UNC13B: variants seen among roughly 807,000 people sequenced by gnomAD.
The protein encoded by UNC13B is protein unc-13 homolog B.
A neutral mutation model predicts 211.0 loss-of-function variants in UNC13B; 144 were observed. The ratio of observed to expected loss-of-function variants is 0.68; its 90% CI spans 0.60 to 0.78. UNC13B has a LOEUF of 0.78. UNC13B is among the 30% of genes least tolerant of loss of function. UNC13B has a pLI of 0.00. For synonymous variants in UNC13B, 709 were observed against 725.8 expected, an observed-to-expected ratio of 0.98 and a Z score of 0.37; for missense variants, 1,777 against 2,002.0, an observed-to-expected ratio of 0.89 and a Z score of 2.14.
rs879481117 is a variant in UNC13B, at chr9:35,307,394, G to A, written c.7990G>A (p.Glu2664Lys). The A allele has an allele frequency of 7.8e-5, 31 of 398,820 alleles. No homozygotes were observed. The highest frequency in any genetic ancestry group is 3.5e-5 in the Non-Finnish European group (8 of 226,118). 24.7% of individuals were successfully genotyped at this position (398,820 alleles called of 1,614,324 possible). ...QLHPDPTCIA[E>K]ELPPPIQPPL... Reference sequence around the variant, plus strand: ...GCATCCAGATCCTACCTGCATTGCCGAAGAGCTTCCTCCTCCCATTCAGCC... The same window carrying A: ...GCATCCAGATCCTACCTGCATTGCCAAAGAGCTTCCTCCTCCCATTCAGCC... The change falls in exon 9 of 40, where the codon GAA becomes AAA. Residue 2664 changes from glutamate (E) to lysine (K), a missense_variant. Transcript: ENST00000635942.
chr9:35,352,363 A>G (rs1832770088), intron 11 of UNC13B: 1 of 1,232,208 alleles, frequency 8.1e-7, no homozygotes, highest in Non-Finnish European at 1.0e-6. Context: ...TTGCCCATCT[A>G]GAGCATAGAG....
intron 11 of UNC13B, chr9:35,352,291 G>C (rs1052035086): frequency 8.1e-7 from 1 of 1,232,124 alleles, no homozygotes; most frequent in Non-Finnish European, 1.0e-6. Context: ...AGTGCAACAG[G>C]TACATTAAAA....
At chr9:35,232,670 A>G (rs748841831) in intron 3 of UNC13B, among the ~76,000 whole-genome samples, 7 of 152,190 alleles carry the variant, frequency 4.6e-5, no homozygotes, top group Non-Finnish European at 1.0e-4. Context: ...AATATCAGTT[A>G]TGGACAATCT....
rs1351588681 is a variant in UNC13B, at chr9:35,303,602, A to G, written c.4198A>G (p.Ile1400Val). Residue 1400 changes from isoleucine to valine, a missense_variant, in exon 9 of 40, where the codon ATA becomes GTA. Transcript: ENST00000635942. ...CLWLDSENSVINFCQKDQNAN... is the reference protein window; with the variant it reads ...CLWLDSENSVVNFCQKDQNAN... ...GTGGCTTGACTCAGAAAACTCAGTG[A>G]TAAATTTTTGCCAAAAAGATCAAAA... The G allele has an allele frequency of 2.9e-4, 116 of 398,798 alleles. No individual in the cohort carries two copies. Among genetic ancestry groups the G allele is most frequent in the Non-Finnish European group, 1.8e-5 (4 of 225,858 alleles). 24.7% of individuals were successfully genotyped at this position (398,798 alleles called of 1,614,324 possible).
chr9:35,384,462 C>A, intron 22 of UNC13B, 148 bp downstream of exon 22: 1 of 1,409,190 alleles, frequency 7.1e-7, no homozygotes. Flanking sequence ...CTACTGACAC[C>A]TGTGGTTCTT....
At position 35,305,582 on chromosome 9, in the gene UNC13B, T is replaced by A. The variant is rs1829885752; in HGVS notation, c.6178T>A (p.Ser2060Thr). 2.5e-6 allele frequency: 1 copy of A among 398,776 alleles called. No homozygotes were observed. The highest frequency in any genetic ancestry group is 1.3e-4 in the South Asian group (1 of 7,860). The allele number at this position is 398,776 out of a possible 1,614,324, so 24.7% of individuals were successfully genotyped here. A position where few individuals can be genotyped will look rare whatever the true frequency, so the allele number is the denominator to read the frequency against. The change falls in exon 9 of 40, where the codon TCA becomes ACA. Residue 2060 changes from serine to threonine, a missense_variant. Transcript: ENST00000635942. ...TATCGATGACAGTAGGTTAGAGGAATCAACTAGAGGGATCCAGGGTAATGA... is the reference window on the plus strand; with the variant it reads ...TATCGATGACAGTAGGTTAGAGGAAACAACTAGAGGGATCCAGGGTAATGA... The part of the protein sequence containing the change: ...TTIDDSRLEE[S>T]TRGIQGNDLT...
intron 7 of UNC13B, among the ~76,000 whole-genome samples, chr9:35,277,746 A>G (rs947178224): frequency 3.9e-5 from 6 of 152,132 alleles, no homozygotes; most frequent in African/African-American, 1.4e-4. Context: ...CTCAAGTCCG[A>G]AGAGGTAAAT....
chr9:35,397,752 A>G, intron 30 of UNC13B, 40 bp downstream of exon 30: 1 of 1,603,210 alleles, frequency 6.2e-7, no homozygotes, highest in South Asian at 1.1e-5. Context: ...AAGAGAGTGG[A>G]AGACATTTGA....
At chr9:35,398,454 T>C (rs761595336) in intron 31 of UNC13B, 100 bp from the exon 32 acceptor site, 24 of 1,384,180 alleles carry the variant, frequency 1.7e-5, no homozygotes, top group Non-Finnish European at 2.4e-5. Flanking sequence ...GAGGGAGGAA[T>C]AGGCACTGGG....
At chr9:35,211,386 G>A (rs1309847240) in intron 1 of UNC13B, among the ~76,000 whole-genome samples, 1 of 152,026 alleles carries the variant, frequency 6.6e-6, no homozygotes, top group Non-Finnish European at 1.5e-5. Context: ...TAGATGATTT[G>A]TGTTTTTACA....
At chr9:35,192,888 C>T (rs933347104) in intron 1 of UNC13B, among the ~76,000 whole-genome samples, 1 of 152,098 alleles carries the variant, frequency 6.6e-6, no homozygotes, top group African/African-American at 2.4e-5. Context: ...CTTTTTTCAC[C>T]TTCCTTTTGG....
At chr9:35,328,243 C>T (rs536577313) in intron 11 of UNC13B, among the ~76,000 whole-genome samples, 3 of 152,204 alleles carry the variant, frequency 2.0e-5, no homozygotes, top group African/African-American at 4.8e-5. Context: ...AGGCTGGTCT[C>T]GAATTCCTGA....
chr9:35,376,397 G>GAATC (rs549393757), intron 15 of UNC13B, 150 bp downstream of exon 15: 11 of 819,134 alleles, frequency 1.3e-5, no homozygotes, highest in Non-Finnish European at 1.7e-5. Context: ...GTAGGATTCT[G>GAATC]AATCAAGGGG....
chr9:35,240,651 G>A lies in UNC13B; in HGVS notation c.395-2640G>A, dbSNP rs115743418. On this transcript the variant is annotated intron_variant, in intron 5 of 39. Transcript: ENST00000635942. ...GAACCATTTCCAGAGACTTTAAATCGTTGTTTTTTTAATGTTGTATTACTT... is the reference window on the plus strand; with the variant it reads ...GAACCATTTCCAGAGACTTTAAATCATTGTTTTTTTAATGTTGTATTACTT... Among the ~76,000 whole-genome samples, 1,283 of 151,856 alleles carry A rather than the reference G, an allele frequency of 8.4e-3. 12 individuals carry two copies. The highest frequency in any genetic ancestry group is 0.029 in the African/African-American group (1,211 of 41,412).
intron 13 of UNC13B, among the ~76,000 whole-genome samples, chr9:35,370,696 C>T (rs1166223996): frequency 5.9e-5 from 9 of 152,228 alleles, no homozygotes; most frequent in Non-Finnish European, 1.3e-4. Flanking sequence ...GGTATCTCTA[C>T]AGCCTTCTTT....
At position 35,305,326 on chromosome 9, in the gene UNC13B, A is replaced by G. The variant is rs562388209; in HGVS notation, c.5922A>G (p.Glu1974=). The G allele has an allele frequency of 2.5e-6, 1 of 398,974 alleles. No individual in the cohort carries two copies. Among genetic ancestry groups the G allele is most frequent in the African/African-American group, 2.1e-5 (1 of 48,752 alleles). The allele number at this position is 398,974 out of a possible 1,614,324, so 24.7% of individuals were successfully genotyped here. Residue 1974 remains glutamate (E), a synonymous_variant, in exon 9 of 40, where the codon GAA becomes GAG. Coordinates refer to ENST00000635942, the MANE Select transcript of UNC13B (RefSeq NM_001371189.2). ...NVKIPPQEKK[E]SSGVSNFWGT... is the part of the protein sequence containing the mutation. ...AGATACCACCTCAAGAAAAGAAAGAATCTTCTGGTGTTTCAAATTTTTGGG... is the reference window on the plus strand; with the variant it reads ...AGATACCACCTCAAGAAAAGAAAGAGTCTTCTGGTGTTTCAAATTTTTGGG...
chr9:35,353,406 G>A (rs768176163), intron 11 of UNC13B: 314 of 1,232,098 alleles, frequency 2.5e-4, no homozygotes, highest in Non-Finnish European at 3.0e-4. Context: ...AACAGTGATC[G>A]ACTTCTTGGG....
intron 6 of UNC13B, among the ~76,000 whole-genome samples, chr9:35,252,406 G>C (rs139088257): frequency 1.3e-5 from 2 of 151,938 alleles, no homozygotes; most frequent in Admixed American, 1.3e-4. Context: ...TGCAGTCTCC[G>C]CCTCCTGAGT....
chr9:35,346,984 T>G (rs951756857), intron 11 of UNC13B, among the ~76,000 whole-genome samples: 1 of 151,796 alleles, frequency 6.6e-6, no homozygotes, highest in Non-Finnish European at 1.5e-5. Flanking sequence ...GAGTACAGCC[T>G]CAACCTCCTG....
Sources: allele counts gnomAD v4.1 joint callset (sites outside exome capture counted in the v4.1 genomes callset), GRCh38; gene constraint gnomAD v4.1.1; transcripts MANE v1.5; gene names NCBI Gene and HGNC (gene_info 2026-07-23, HGNC 2026-07-21).